Variants in CRISP3 observed in about 807,000 individuals in gnomAD.
The protein encoded by CRISP3 is cysteine-rich secretory protein 3.
CRISP3 carries 33 observed loss-of-function variants against 36.1 expected under a neutral mutation model. The ratio of observed to expected loss-of-function variants is 0.91; its 90% CI spans 0.69 to 1.22. The LOEUF (loss-of-function observed/expected upper bound fraction) is 1.22. Ranked by LOEUF, CRISP3 falls within the 50% of genes most tolerant of loss-of-function variation. The probability of loss-of-function intolerance (pLI) is 0.00; values close to 1 mark genes in which losing one functional copy is unlikely to be tolerated. For missense variants in CRISP3, 330 were observed against 301.2 expected (o/e 1.10, Z -0.71); for synonymous variants, 117 against 104.6 (o/e 1.12, Z -0.72).
intron 1 of CRISP3, among the ~76,000 whole-genome samples, chr6:49,739,655 A>G (rs1003507679): frequency 1.3e-5 from 2 of 152,112 alleles, no homozygotes; most frequent in African/African-American, 4.8e-5. Context: ...ATTTCACTCC[A>G]TCCCCACCTC....
intron 1 of CRISP3, among the ~76,000 whole-genome samples, chr6:49,740,425 A>C (rs569576132): frequency 5.9e-5 from 9 of 152,336 alleles, no homozygotes; most frequent in African/African-American, 2.2e-4. Flanking sequence ...CAATATCAAA[A>C]TAAGCAAGCT....
At chr6:49,732,350 G>A (rs1050930162) in intron 6 of CRISP3, among the ~76,000 whole-genome samples, 1 of 152,070 alleles carries the variant, frequency 6.6e-6, no homozygotes, top group Non-Finnish European at 1.5e-5. Flanking sequence ...ACATCACCTG[G>A]GATATCTACA....
At chr6:49,729,870 C>G (rs1482867345) in intron 7 of CRISP3, among the ~76,000 whole-genome samples, 1 of 152,058 alleles carries the variant, frequency 6.6e-6, no homozygotes, top group East Asian at 1.9e-4. Flanking sequence ...CTACTACTGT[C>G]GGGAGCTCTT....
In CRISP3 at chr6:49,736,512, G is replaced by A; in HGVS notation, c.112-5C>T. 6.3e-7 allele frequency: 1 copy of A among 1,584,654 alleles called. No individual in the cohort carries two copies. Among genetic ancestry groups the A allele is most frequent in the Non-Finnish European group, 8.7e-7 (1 of 1,153,824 alleles). On this transcript the variant is annotated splice_region_variant and splice_polypyrimidine_tract_variant and intron_variant, in intron 2 of 7. Coordinates refer to ENST00000263045, the MANE Select transcript of CRISP3 (RefSeq NM_006061.4). ...CAAAGCAGTAAAAGCGGGATCCTAA[G>A]GGAAAATAAAATTACAATTATCTTT...
chr6:49,733,443 C>T lies in CRISP3; in HGVS notation c.463-151G>A, dbSNP rs141085446. 2.0e-3 allele frequency: 1,260 copies of T among 634,482 alleles called. 20 individuals are homozygous for T. The African/African-American group carries it at 0.021, about 11-fold the overall frequency. The allele number at this position is 634,482 out of a possible 1,614,324, so 39.3% of individuals were successfully genotyped here. On this transcript the variant is annotated intron_variant, in intron 5 of 7. Transcript: ENST00000263045. The stretch of plus-strand genomic sequence containing the variant: ...GCTATATTTAGTTAAATTATTGAAT[C>T]AAACTAAAACACTTTAAAATATTAC...
intron 1 of CRISP3, among the ~76,000 whole-genome samples, chr6:49,741,990 C>A (rs1193243676): frequency 1.3e-5 from 2 of 150,412 alleles, no homozygotes; most frequent in African/African-American, 4.9e-5. Context: ...ATCTGGAGAA[C>A]ACACCAAAAT....
chr6:49,741,554 G>C (rs1769201456), intron 1 of CRISP3, among the ~76,000 whole-genome samples: 1 of 144,448 alleles, frequency 6.9e-6, no homozygotes, highest in Admixed American at 7.0e-5. Flanking sequence ...CACATTAACA[G>C]ACTAAAGCAA....
chr6:49,740,434 C>G (rs1157934518), intron 1 of CRISP3, among the ~76,000 whole-genome samples: 1 of 152,072 alleles, frequency 6.6e-6, no homozygotes, highest in African/African-American at 2.4e-5. Context: ...AATAAGCAAG[C>G]TTCTTGCTGC....
At chr6:49,732,030 G>A (rs973819970) in intron 6 of CRISP3, among the ~76,000 whole-genome samples, 47 of 152,156 alleles carry the variant, frequency 3.1e-4, no homozygotes, top group African/African-American at 1.1e-3. Context: ...AGTCTTAATT[G>A]CACTAAGTAG....
At position 49,733,219 on chromosome 6, in the gene CRISP3, T is replaced by C. The variant is rs1342011321; in HGVS notation, c.536A>G (p.Tyr179Cys). 6.2e-7 allele frequency: 1 copy of C among 1,606,100 alleles called. No homozygotes were observed. Among genetic ancestry groups the C allele is most frequent in the Non-Finnish European group, 8.5e-7 (1 of 1,174,416 alleles). The change falls in exon 6 of 8, where the codon TAC becomes TGC. Residue 179 changes from tyrosine to cysteine, a missense_variant. Coordinates refer to ENST00000263045, the MANE Select transcript of CRISP3 (RefSeq NM_006061.4). The stretch of plus-strand genomic sequence containing the variant: ...CGCAGGACAATATTGGCAAACATAG[T>C]AGTATTTTAGAACTTTTTGATTGGG... ...YCPNQKVLKY[Y>C]YVCQYCPAGN...
At chr6:49,740,979 T>C (rs2127453552) in intron 1 of CRISP3, among the ~76,000 whole-genome samples, 1 of 151,884 alleles carries the variant, frequency 6.6e-6, no homozygotes, top group African/African-American at 2.4e-5. Flanking sequence ...CGAGAGCCTG[T>C]AGTCCCAGCT....
At chr6:49,731,854 G>C (rs1193180159) in intron 6 of CRISP3, among the ~76,000 whole-genome samples, 1 of 151,964 alleles carries the variant, frequency 6.6e-6, no homozygotes, top group Non-Finnish European at 1.5e-5. Flanking sequence ...GTCTACAGGT[G>C]GTGTGTATGA....
rs1358871254 is a variant in CRISP3, at chr6:49,736,533, T to C, written c.112-26A>G. 6.1e-6 allele frequency: 9 copies of C among 1,478,526 alleles called. No individual in the cohort carries two copies. In the East Asian group the frequency reaches 1.8e-4, roughly 30 times the overall value. The allele number at this position is 1,478,526 out of a possible 1,614,324, so 91.6% of individuals were successfully genotyped here. A position where few individuals can be genotyped will look rare whatever the true frequency, so the allele number is the denominator to read the frequency against. ...CTAAGGGAAAATAAAATTACAATTA[T>C]CTTTTAACATTGTTGGAAATTGCAC... On this transcript the variant is annotated intron_variant, in intron 2 of 7. Coordinates refer to ENST00000263045, the MANE Select transcript of CRISP3 (RefSeq NM_006061.4).
At chr6:49,734,495 C>A (rs534527348) in intron 4 of CRISP3, among the ~76,000 whole-genome samples, 1 of 152,178 alleles carries the variant, frequency 6.6e-6, no homozygotes, top group Admixed American at 6.5e-5. Flanking sequence ...TACTTCAACA[C>A]TTTTTCAAGC....
chr6:49,733,562 T>A, intron 5 of CRISP3, 141 bp downstream of exon 5: 1 of 829,014 alleles, frequency 1.2e-6, no homozygotes, highest in Non-Finnish European at 1.8e-6. Flanking sequence ...AGTTCACAGC[T>A]GAAATACTCA....
intron 7 of CRISP3, among the ~76,000 whole-genome samples, chr6:49,730,247 A>G (rs539281904): frequency 2.0e-5 from 3 of 152,244 alleles, no homozygotes; most frequent in East Asian, 1.9e-4. Flanking sequence ...TGTATGAGAT[A>G]TAAATTTATT....
In CRISP3 at chr6:49,731,037, C is replaced by CT. The variant is rs139721085; in HGVS notation, c.649+125dup. 6.3e-4 allele frequency: 399 copies of CT among 636,354 alleles called. 1 individual carries two copies. In the African/African-American group the frequency reaches 6.5e-3, roughly 10 times the overall value. The allele number at this position is 636,354 out of a possible 1,614,324, so 39.4% of individuals were successfully genotyped here. A position where few individuals can be genotyped will look rare whatever the true frequency, so the allele number is the denominator to read the frequency against. On this transcript the variant is annotated intron_variant, in intron 7 of 7. Transcript: ENST00000263045. ...AGCCTGGGCGACAGAGCCAGACAGA[C>CT]TTTTTTTTCCTTTTTGTCCTTTGCA... is the stretch of plus-strand genomic sequence containing the variant.
At chr6:49,732,189 C>T (rs528774807) in intron 6 of CRISP3, among the ~76,000 whole-genome samples, 1 of 152,156 alleles carries the variant, frequency 6.6e-6, no homozygotes, top group Non-Finnish European at 1.5e-5. Flanking sequence ...CTAATTCCAA[C>T]TCTCACTTCA....
intron 2 of CRISP3, among the ~76,000 whole-genome samples, chr6:49,736,775 T>C (rs779207697): frequency 5.3e-5 from 8 of 152,142 alleles, no homozygotes; most frequent in Non-Finnish European, 8.8e-5. Context: ...GAGGTCTTAA[T>C]GTGATTTTTC....
Sources: gnomAD v4.1 joint callset for allele counts (sites outside exome capture counted in the v4.1 genomes callset) on GRCh38, gnomAD v4.1.1 for gene constraint, MANE v1.5 for transcripts, NCBI Gene and HGNC (gene_info 2026-07-23, HGNC 2026-07-21) for gene names.